Variants in SORCS2 observed in about 807,000 individuals in gnomAD.
The protein encoded by SORCS2 is sortilin related VPS10 domain containing receptor 2.
In SORCS2, 100 loss-of-function variants were observed where a neutral mutation model predicts 141.6. The observed-to-expected ratio is 0.71, with a 90% CI of 0.60 to 0.83. SORCS2 has a LOEUF of 0.83. Ranked by LOEUF, SORCS2 falls within the 40% of genes least tolerant of loss-of-function variation. SORCS2 has a pLI of 0.00. For missense variants in SORCS2, 1,646 were observed against 1,560.2 expected, an observed-to-expected ratio of 1.05 and a Z score of -0.93; for synonymous variants, 789 against 676.9, an observed-to-expected ratio of 1.17 and a Z score of -2.57.
chr4:7,573,825 C>G (rs35267475), intron 3 of SORCS2, among the ~76,000 whole-genome samples: 1 of 152,066 alleles, frequency 6.6e-6, no homozygotes, highest in Non-Finnish European at 1.5e-5. Context: ...TGGCTTCAGT[C>G]CTTAACTTCA....
intron 2 of SORCS2, among the ~76,000 whole-genome samples, chr4:7,460,653 T>C (rs530832503): frequency 2.0e-5 from 3 of 152,284 alleles, no homozygotes; most frequent in Non-Finnish European, 4.4e-5. Flanking sequence ...AATCGAGATT[T>C]GGTGACATTA....
Position 7,192,695 on chromosome 4 carries a change from G to GCCCGAGC in SORCS2, c.61_67dup (p.Gly23GlufsTer34), listed in dbSNP as rs1726913697. On this transcript the variant is annotated frameshift_variant, in exon 1 of 27. Transcript: ENST00000507866. LOFTEE classifies it high-confidence loss of function. This position sits in a 1 kb window ranked among gnomAD's most constrained non-coding sequence, Gnocchi z 4.0. Reference sequence around the variant, plus strand: ...CGCCTCGAAGGGCCCCGGCCCCACCGCCCGAGCCCCGAGCCCCGGGGCTCC... The same window carrying GCCCGAGC: ...CGCCTCGAAGGGCCCCGGCCCCACCGCCCGAGCCCCGAGCCCCGAGCCCCGGGGCTCC... 1 of 989,116 alleles carries GCCCGAGC rather than the reference G, an allele frequency of 1.0e-6. No individual in the cohort carries two copies. Among genetic ancestry groups the GCCCGAGC allele is most frequent in the Non-Finnish European group, 1.2e-6 (1 of 833,930 alleles). 61.3% of individuals were successfully genotyped at this position (989,116 alleles called of 1,614,324 possible). A position where few individuals can be genotyped will look rare whatever the true frequency, so the allele number is the denominator to read the frequency against.
At chr4:7,578,668 C>A (rs923865326) in intron 3 of SORCS2, among the ~76,000 whole-genome samples, 1 of 152,160 alleles carries the variant, frequency 6.6e-6, no homozygotes, top group Non-Finnish European at 1.5e-5. Context: ...TGGGGCAGGC[C>A]GCCTGGGCTG....
chr4:7,289,325 C>G (rs549700711), intron 1 of SORCS2, among the ~76,000 whole-genome samples: 5 of 152,266 alleles, frequency 3.3e-5, no homozygotes, highest in East Asian at 1.9e-4. Context: ...CTCCAGGAAG[C>G]CTTCCTGGAT....
chr4:7,571,641 G>C (rs1235223387), intron 3 of SORCS2, among the ~76,000 whole-genome samples: 4 of 151,992 alleles, frequency 2.6e-5, no homozygotes, highest in African/African-American at 9.7e-5. Context: ...GTGGAGGAGG[G>C]CTGAGGCAGG....
At chr4:7,283,603 T>A (rs1716024017) in intron 1 of SORCS2, among the ~76,000 whole-genome samples, 1 of 152,194 alleles carries the variant, frequency 6.6e-6, no homozygotes, top group Non-Finnish European at 1.5e-5. Flanking sequence ...CTTAGAGTTT[T>A]GCAAAGTGGT....
chr4:7,405,728 CTG>C, intron 2 of SORCS2, among the ~76,000 whole-genome samples: 1 of 151,976 alleles, frequency 6.6e-6, no homozygotes, highest in South Asian at 2.1e-4. Context: ...TTTATCAAAT[CTG>C]TTTTTTCATG....
At chr4:7,653,641 G>T (rs761304361) in intron 4 of SORCS2, among the ~76,000 whole-genome samples, 1 of 152,164 alleles carries the variant, frequency 6.6e-6, no homozygotes, top group Admixed American at 6.6e-5. Flanking sequence ...CGATGGCACT[G>T]GTCATACGCT....
At chr4:7,638,848 A>G (rs561123853) in intron 4 of SORCS2, among the ~76,000 whole-genome samples, 3 of 152,232 alleles carry the variant, frequency 2.0e-5, no homozygotes, top group Non-Finnish European at 2.9e-5. Context: ...CTTCCAGAAC[A>G]TTGCGCACAC....
intron 1 of SORCS2, among the ~76,000 whole-genome samples, chr4:7,323,815 A>G (rs541243553): frequency 1.3e-5 from 2 of 151,282 alleles, no homozygotes; most frequent in African/African-American, 4.9e-5. Flanking sequence ...CCCATCTCCC[A>G]GGAATCCTGG....
intron 1 of SORCS2, among the ~76,000 whole-genome samples, chr4:7,211,220 CGGGAGGGAGGGAGGGA>C (rs5855950): frequency 2.2e-5 from 3 of 137,094 alleles, no homozygotes; most frequent in Non-Finnish European, 3.1e-5. Flanking sequence ...AGCAGGAGAG[CGGGAGGGAGGGAGGGA>C]GGGAGGGAGG....
chr4:7,571,349 GGT>G (rs1447493457), intron 3 of SORCS2, among the ~76,000 whole-genome samples: 1 of 152,158 alleles, frequency 6.6e-6, no homozygotes, highest in Admixed American at 6.5e-5. Context: ...CATCCTGGGT[GGT>G]GGGTATGACA....
chr4:7,495,261 G>A (rs1238930486), intron 2 of SORCS2, among the ~76,000 whole-genome samples: 3 of 152,236 alleles, frequency 2.0e-5, no homozygotes, highest in Admixed American at 6.5e-5. Context: ...AGGCTCCAGA[G>A]CCTGTCCTGG....
intron 1 of SORCS2, among the ~76,000 whole-genome samples, chr4:7,365,921 C>T (rs1314019618): frequency 3.3e-5 from 5 of 152,228 alleles, no homozygotes; most frequent in Admixed American, 2.6e-4. Context: ...GCTGTCCCTG[C>T]CCCCTGTGAA....
At chr4:7,418,692 G>A (rs1040205969) in intron 2 of SORCS2, among the ~76,000 whole-genome samples, 23 of 124,860 alleles carry the variant, frequency 1.8e-4, no homozygotes, top group South Asian at 1.7e-3. Context: ...CTTTTGCTGC[G>A]TAACAAATGA....
chr4:7,610,592 G>C (rs889128938), intron 3 of SORCS2, among the ~76,000 whole-genome samples: 1 of 152,180 alleles, frequency 6.6e-6, no homozygotes, highest in African/African-American at 2.4e-5. Context: ...GTGGGGCTTG[G>C]GGGGGTCCTT....
At chr4:7,559,773 G>A (rs991846021) in intron 3 of SORCS2, among the ~76,000 whole-genome samples, 2 of 152,232 alleles carry the variant, frequency 1.3e-5, no homozygotes, top group Non-Finnish European at 2.9e-5. Context: ...CCGGGTGGTT[G>A]TACAAGATGA....
At position 7,740,406 on chromosome 4, in the gene SORCS2, T is replaced by A; in HGVS notation, c.*142T>A. ...ACACCAGGCGACAGGCACCACCCCC[T>A]CTGATAAATCCAAGCCCGCCCAGGC... On this transcript the variant is annotated 3_prime_UTR_variant, in exon 27 of 27. Transcript: ENST00000507866. 1 of 735,012 alleles carries A rather than the reference T, an allele frequency of 1.4e-6. No individual in the cohort carries two copies. Among genetic ancestry groups the A allele is most frequent in the Non-Finnish European group, 2.3e-6 (1 of 438,942 alleles). 45.5% of individuals were successfully genotyped at this position (735,012 alleles called of 1,614,324 possible).
chr4:7,196,814 G>C (rs951333637), intron 1 of SORCS2, among the ~76,000 whole-genome samples: 54 of 152,270 alleles, frequency 3.5e-4, no homozygotes, highest in African/African-American at 1.3e-3. Flanking sequence ...CAGAGAGCTA[G>C]AGCTACACAT....
Sources: gnomAD v4.1 joint callset for allele counts (sites outside exome capture counted in the v4.1 genomes callset) on GRCh38, gnomAD v4.1.1 for gene constraint, Gnocchi (gnomAD v3.1) non-coding constraint, MANE v1.5 for transcripts, NCBI Gene and HGNC (gene_info 2026-07-23, HGNC 2026-07-21) for gene names.